Variants in DACH2 observed in about 807,000 individuals in gnomAD.
The protein encoded by DACH2 is dachshund homolog 2.
In DACH2, 17 loss-of-function variants were observed where a neutral mutation model predicts 35.8. That is an observed-to-expected ratio of 0.48 (90% CI 0.33 to 0.71). DACH2 has a LOEUF of 0.71. Ranked by LOEUF, DACH2 falls within the 30% of genes least tolerant of loss-of-function variation. The pLI is 0.02. For synonymous variants in DACH2, 195 were observed against 177.3 expected (o/e 1.10, Z -0.79); for missense variants, 469 against 472.7 (o/e 0.99, Z 0.07).
intron 3 of DACH2, among the ~76,000 whole-genome samples, chrX:86,529,371 G>C (rs1212715275): frequency 9.2e-6 from 1 of 109,168 alleles, no homozygotes; most frequent in Non-Finnish European, 1.9e-5. Context: ...CTATCAAACT[G>C]TATGATTCTA....
intron 11 of DACH2, among the ~76,000 whole-genome samples, chrX:86,819,356 T>C (rs2042485475): frequency 9.0e-6 from 1 of 110,622 alleles, no homozygotes; most frequent in Non-Finnish European, 1.9e-5. Context: ...GCCTGCAAGA[T>C]AGCACATCAA....
chrX:86,485,163 AT>A (rs1198935096), intron 2 of DACH2, among the ~76,000 whole-genome samples: 113 of 111,979 alleles, frequency 1.0e-3, no homozygotes, highest in African/African-American at 3.3e-3. Context: ...ATTTACAAGC[AT>A]TTTTTCCTCT....
intron 3 of DACH2, among the ~76,000 whole-genome samples, chrX:86,625,258 G>A (rs1308234952): frequency 2.2e-5 from 2 of 92,337 alleles, no homozygotes; most frequent in African/African-American, 8.8e-5. Context: ...GTGTGTGTGT[G>A]TTAGGGGTGG....
chrX:86,531,263 T>C (rs1475838533), intron 3 of DACH2, among the ~76,000 whole-genome samples: 1 of 111,999 alleles, frequency 8.9e-6, no homozygotes, highest in African/African-American at 3.2e-5. Flanking sequence ...GAAATTTGCA[T>C]GAGTAACAAG....
At chrX:86,606,831 C>A (rs1489776310) in intron 3 of DACH2, among the ~76,000 whole-genome samples, 1 of 111,612 alleles carries the variant, frequency 9.0e-6, no homozygotes, top group Non-Finnish European at 1.9e-5. Context: ...GGGTTTATTT[C>A]TCTCTTTAGC....
At chrX:86,785,789 A>G (rs945186215) in intron 7 of DACH2, among the ~76,000 whole-genome samples, 2 of 111,700 alleles carry the variant, frequency 1.8e-5, no homozygotes, top group African/African-American at 6.5e-5. Context: ...GGAGAATTCT[A>G]AAGGCATTGC....
chrX:86,734,140 T>G (rs759860620), intron 6 of DACH2, among the ~76,000 whole-genome samples: 166 of 110,823 alleles, frequency 1.5e-3, no homozygotes, highest in African/African-American at 5.0e-3. Flanking sequence ...GCTGATTCCT[T>G]TAATCTGTAA....
intron 2 of DACH2, among the ~76,000 whole-genome samples, chrX:86,487,086 T>C (rs909966202): frequency 9.0e-6 from 1 of 111,591 alleles, no homozygotes; most frequent in African/African-American, 3.3e-5. Flanking sequence ...AATTTTAACA[T>C]ATACTATTAT....
At chrX:86,416,880 C>A (rs762766263) in intron 2 of DACH2, among the ~76,000 whole-genome samples, 12 of 109,810 alleles carry the variant, frequency 1.1e-4, no homozygotes, top group Non-Finnish European at 2.3e-4. Flanking sequence ...GGGTGGATCA[C>A]CTGAGGTCAG....
chrX:86,701,970 A>G (rs1186646879), intron 5 of DACH2, among the ~76,000 whole-genome samples: 1 of 111,347 alleles, frequency 9.0e-6, no homozygotes, highest in Non-Finnish European at 1.9e-5. Flanking sequence ...CACATGACAC[A>G]CAGTTTACCT....
chrX:86,196,692 C>CAAAA (rs56268300), intron 1 of DACH2, among the ~76,000 whole-genome samples: 53 of 27,367 alleles, frequency 1.9e-3, no homozygotes, highest in African/African-American at 2.7e-3. Context: ...GACTCCATCT[C>CAAAA]AAAAAAAAAA....
intron 11 of DACH2, among the ~76,000 whole-genome samples, chrX:86,827,387 A>C (rs1391613739): frequency 1.8e-5 from 2 of 111,395 alleles, no homozygotes. Flanking sequence ...GCAGGTTGTA[A>C]AGAAGAAGAA....
chrX:86,457,949 T>A (rs1227891671), intron 2 of DACH2, among the ~76,000 whole-genome samples: 1 of 111,972 alleles, frequency 8.9e-6, no homozygotes, highest in Admixed American at 9.5e-5. Context: ...AAGGAGATAG[T>A]CCCTGGGAAT....
chrX:86,374,484 G>A (rs1602452666), intron 1 of DACH2, among the ~76,000 whole-genome samples: 1 of 110,831 alleles, frequency 9.0e-6, no homozygotes, highest in East Asian at 2.9e-4. Flanking sequence ...GAACTAGTGA[G>A]TTGTGTAGAG....
At chrX:86,789,409 T>G in intron 7 of DACH2, among the ~76,000 whole-genome samples, 1 of 112,220 alleles carries the variant, frequency 8.9e-6, no homozygotes, top group Non-Finnish European at 1.9e-5. Context: ...ACCCTAACTT[T>G]TAGGTTGCAA....
intron 7 of DACH2, among the ~76,000 whole-genome samples, chrX:86,793,875 T>C (rs1015327658): frequency 3.6e-5 from 4 of 112,136 alleles, no homozygotes; most frequent in African/African-American, 9.7e-5. Context: ...CATGGTAACA[T>C]TGCAAGTTGG....
chrX:86,274,114 C>T (rs2033862794), intron 1 of DACH2, among the ~76,000 whole-genome samples: 1 of 88,899 alleles, frequency 1.1e-5, no homozygotes, highest in Non-Finnish European at 2.1e-5. Context: ...CTTTCAGTTG[C>T]TGAAGGTCAA....
At chrX:86,549,532 T>C (rs2039019251) in intron 3 of DACH2, among the ~76,000 whole-genome samples, 1 of 110,788 alleles carries the variant, frequency 9.0e-6, no homozygotes, top group Non-Finnish European at 1.9e-5. Context: ...TTTTTTCTTT[T>C]ATATTCTTTC....
At chrX:86,492,515 C>T (rs747850872) in intron 2 of DACH2, among the ~76,000 whole-genome samples, 5 of 111,763 alleles carry the variant, frequency 4.5e-5, no homozygotes, top group Admixed American at 1.9e-4. Context: ...AGTTATATTG[C>T]GTGATGCTGA....
Sources: allele counts gnomAD v4.1 joint callset (sites outside exome capture counted in the v4.1 genomes callset), GRCh38; gene constraint gnomAD v4.1.1; transcripts MANE v1.5; gene names NCBI Gene and HGNC (gene_info 2026-07-23, HGNC 2026-07-21).